The following SPMIP2 variants were observed in gnomAD, a reference collection of about 807,000 sequenced individuals.
The protein encoded by SPMIP2 is sperm microtubule inner protein 2, also known as protein SPMIP2.
the SPMIP2 span, among the ~76,000 whole-genome samples, chr4:159,049,259 G>C: frequency 1.3e-5 from 2 of 152,088 alleles, no homozygotes; most frequent in African/African-American, 4.8e-5. Context: ...GTAAGCTCTC[G>C]TATTTTTCTG....
the SPMIP2 span, among the ~76,000 whole-genome samples, chr4:158,920,028 C>T: frequency 0.065 from 9,962 of 152,158 alleles, 411 homozygotes; most frequent in African/African-American, 0.12. Flanking sequence ...TCCCCTGTTG[C>T]GGGAAGTCAG....
At chr4:159,082,586 T>C in the SPMIP2 span, among the ~76,000 whole-genome samples, 2 of 151,616 alleles carry the variant, frequency 1.3e-5, no homozygotes, top group Non-Finnish European at 2.9e-5. Flanking sequence ...AGAAAGGCAT[T>C]TGATGACAAG....
the SPMIP2 span, among the ~76,000 whole-genome samples, chr4:158,930,191 G>GTCTCTCTCTCTCTCTCTCTCTCTCTC: frequency 5.4e-4 from 78 of 144,246 alleles, 1 homozygote; most frequent in African/African-American, 1.8e-3. Context: ...GAGGATCTCA[G>GTCTCTCTCTCTCTCTCTCTCTCTCTC]TCTCTCTCTC....
the SPMIP2 span, among the ~76,000 whole-genome samples, chr4:159,081,228 G>A: frequency 8.6e-3 from 1,305 of 151,998 alleles, 15 homozygotes; most frequent in African/African-American, 0.03. Context: ...TAGTAGAGAC[G>A]AGGTTTTGCC....
the SPMIP2 span, among the ~76,000 whole-genome samples, chr4:158,902,526 A>G: frequency 6.6e-6 from 1 of 152,186 alleles, no homozygotes; most frequent in Non-Finnish European, 1.5e-5. Context: ...TGGGGGATCC[A>G]CTGCTGTCTT....
the SPMIP2 span, among the ~76,000 whole-genome samples, chr4:159,019,758 A>G: frequency 6.6e-6 from 1 of 152,282 alleles, no homozygotes; most frequent in South Asian, 2.1e-4. Flanking sequence ...GCTGACCTGG[A>G]CAACAGGAGA....
the SPMIP2 span, among the ~76,000 whole-genome samples, chr4:158,930,452 C>T: frequency 2.6e-5 from 4 of 151,718 alleles, no homozygotes; most frequent in East Asian, 7.7e-4. Flanking sequence ...AAGGGATCCA[C>T]CCATATCAGC....
At chr4:158,964,555 G>T in the SPMIP2 span, among the ~76,000 whole-genome samples, 1 of 152,102 alleles carries the variant, frequency 6.6e-6, no homozygotes, top group African/African-American at 2.4e-5. Flanking sequence ...GAAAACTGAG[G>T]CATTATAAAA....
chr4:159,033,562 G>A, the SPMIP2 span, among the ~76,000 whole-genome samples: 1 of 152,150 alleles, frequency 6.6e-6, no homozygotes, highest in Admixed American at 6.5e-5. Context: ...GAAGAGGCTA[G>A]AAAGAAAATG....
At chr4:159,037,398 T>C in the SPMIP2 span, among the ~76,000 whole-genome samples, 1 of 152,154 alleles carries the variant, frequency 6.6e-6, no homozygotes, top group African/African-American at 2.4e-5. Context: ...TAATGGATAT[T>C]CAGAGAAGTC....
At chr4:158,946,352 A>G in the SPMIP2 span, among the ~76,000 whole-genome samples, 1 of 152,184 alleles carries the variant, frequency 6.6e-6, no homozygotes, top group Non-Finnish European at 1.5e-5. Flanking sequence ...TATTCATTTG[A>G]TAAAGTTTGG....
At chr4:159,001,849 T>C in the SPMIP2 span, among the ~76,000 whole-genome samples, 3 of 152,250 alleles carry the variant, frequency 2.0e-5, no homozygotes, top group Non-Finnish European at 4.4e-5. Context: ...TACATTCCAC[T>C]GGTTTTATAC....
chr4:158,934,086 A>T, the SPMIP2 span, among the ~76,000 whole-genome samples: 2 of 152,188 alleles, frequency 1.3e-5, no homozygotes, highest in African/African-American at 4.8e-5. Flanking sequence ...CATACTCAAG[A>T]TCAGACTGCT....
At chr4:159,004,791 A>G in the SPMIP2 span, among the ~76,000 whole-genome samples, 1 of 152,092 alleles carries the variant, frequency 6.6e-6, no homozygotes, top group East Asian at 1.9e-4. Context: ...TTTTACCATA[A>G]TTAATTCATT....
At chr4:158,904,342 G>A in the SPMIP2 span, 1 of 852,886 alleles carries the variant, frequency 1.2e-6, no homozygotes, top group South Asian at 1.6e-5. Flanking sequence ...TTTTTCATTA[G>A]TTTTAAATGA....
chr4:158,946,024 G>T, the SPMIP2 span, among the ~76,000 whole-genome samples: 11,898 of 152,178 alleles, frequency 0.078, 1,520 homozygotes, highest in African/African-American at 0.26. Context: ...AGAGATACAG[G>T]TCTCTCCAAA....
At chr4:159,068,031 G>A in the SPMIP2 span, among the ~76,000 whole-genome samples, 5 of 152,202 alleles carry the variant, frequency 3.3e-5, no homozygotes, top group Non-Finnish European at 4.4e-5. Flanking sequence ...GAGAGGATGT[G>A]GAGAAATAGG....
At chr4:158,921,309 G>A in the SPMIP2 span, among the ~76,000 whole-genome samples, 1 of 152,162 alleles carries the variant, frequency 6.6e-6, no homozygotes, top group African/African-American at 2.4e-5. Context: ...AGCCATGGTG[G>A]CATGCATTTG....
the SPMIP2 span, among the ~76,000 whole-genome samples, chr4:158,948,591 G>GT: frequency 4.5e-3 from 569 of 125,876 alleles, 2 homozygotes; most frequent in African/African-American, 9.5e-3. Flanking sequence ...TATGTGGTTT[G>GT]TTTTTTTTTT....
Sources: gnomAD v4.1 joint callset for allele counts (sites outside exome capture counted in the v4.1 genomes callset) on GRCh38, gnomAD v4.1.1 for gene constraint, MANE v1.5 for transcripts, NCBI Gene and HGNC (gene_info 2026-07-23, HGNC 2026-07-21) for gene names.